The following CDCA7L variants were observed in gnomAD, a reference collection of about 807,000 sequenced individuals.
CDCA7L encodes the protein cell division cycle associated 7 like, also known as cell division cycle-associated 7-like protein.
A neutral mutation model predicts 57.4 loss-of-function variants in CDCA7L; 44 were observed. That is an observed-to-expected ratio of 0.77 (90% CI 0.60 to 0.98). The LOEUF is 0.98. Among genes scored for constraint, CDCA7L ranks in the 50% least tolerant of loss-of-function variants. The probability of loss-of-function intolerance (pLI) is 0.00; values close to 1 mark genes in which losing one functional copy is unlikely to be tolerated. For synonymous variants in CDCA7L, 236 were observed against 202.8 expected, an observed-to-expected ratio of 1.16 and a Z score of -1.39; for missense variants, 644 against 580.6, an observed-to-expected ratio of 1.11 and a Z score of -1.12.
intron 1 of CDCA7L, among the ~76,000 whole-genome samples, chr7:21,917,809 G>A (rs912288878): frequency 2.0e-5 from 3 of 152,130 alleles, no homozygotes; most frequent in African/African-American, 7.2e-5. Flanking sequence ...TGATTGGCCC[G>A]AATATAATTC....
At chr7:21,907,897 T>C (rs1785191111) in intron 4 of CDCA7L, among the ~76,000 whole-genome samples, 1 of 152,218 alleles carries the variant, frequency 6.6e-6, no homozygotes, top group Admixed American at 6.5e-5. Flanking sequence ...TGGCACCATG[T>C]AGGGGCTAAA....
intron 1 of CDCA7L, among the ~76,000 whole-genome samples, chr7:21,937,407 G>A (rs554603920): frequency 1.3e-5 from 2 of 152,224 alleles, no homozygotes; most frequent in South Asian, 2.1e-4. Context: ...GGCTGAGGTG[G>A]GCAGACTGCC....
intron 1 of CDCA7L, among the ~76,000 whole-genome samples, chr7:21,924,048 C>A (rs1233033837): frequency 6.6e-6 from 1 of 152,108 alleles, no homozygotes; most frequent in Non-Finnish European, 1.5e-5. Context: ...AATATTTTAA[C>A]GTGAAGTATT....
intron 2 of CDCA7L, among the ~76,000 whole-genome samples, chr7:21,913,261 T>C (rs1785388617): frequency 6.6e-6 from 1 of 152,128 alleles, no homozygotes; most frequent in Non-Finnish European, 1.5e-5. Flanking sequence ...TGAATTATTA[T>C]GGGTAATTGG....
intron 1 of CDCA7L, among the ~76,000 whole-genome samples, chr7:21,917,203 A>G (rs1785513291): frequency 6.6e-6 from 1 of 152,234 alleles, no homozygotes; most frequent in African/African-American, 2.4e-5. Context: ...CTAAGAACCA[A>G]TGATCTCTTT....
In CDCA7L at chr7:21,902,723, T is replaced by C. The variant is rs959060011; in HGVS notation, c.1334+255A>G. The C allele has an allele frequency of 7.4e-4, 369 of 501,330 alleles. 2 individuals are homozygous for C. The highest frequency in any genetic ancestry group is 1.2e-4 in the Non-Finnish European group (35 of 282,006). 31.1% of individuals were successfully genotyped at this position (501,330 alleles called of 1,614,324 possible). ...TTGTTTGTTCCTTCCATTTCTGTCA[T>C]ACACCTCAAGGAGAAATTTTGGTTA... On this transcript the variant is annotated intron_variant, in intron 9 of 9. Coordinates refer to ENST00000406877, the MANE Select transcript of CDCA7L (RefSeq NM_018719.5).
intron 1 of CDCA7L, among the ~76,000 whole-genome samples, chr7:21,935,435 G>A (rs1489519346): frequency 1.3e-5 from 2 of 152,000 alleles, no homozygotes; most frequent in Admixed American, 6.6e-5. Context: ...TAAAAATGAA[G>A]ATCTCCAACC....
rs761371148 is a variant in CDCA7L, at chr7:21,905,559, C to G, written c.994G>C (p.Asp332His). The change falls in exon 7 of 10, where the codon GAC becomes CAC. Residue 332 changes from aspartate to histidine, a missense_variant. By Grantham distance (81) the Asp-to-His change is moderately conservative. Coordinates refer to ENST00000406877, the MANE Select transcript of CDCA7L (RefSeq NM_018719.5). ...ACAGTTATGGCAACATTTTCTAAGTCCTCTTCGGTGATATCCTCCACTGGC... is the reference window on the plus strand; with the variant it reads ...ACAGTTATGGCAACATTTTCTAAGTGCTCTTCGGTGATATCCTCCACTGGC... ...FRPVEDITEE[D>H]LENVAITVRD... 2.5e-6 allele frequency: 4 copies of G among 1,614,066 alleles called. No individual in the cohort carries two copies. The South Asian group carries it at 3.3e-5, about 13-fold the overall frequency.
chr7:21,901,104 G>C lies in CDCA7L; in HGVS notation c.*1218C>G. 1 of 1,613,544 alleles carries C rather than the reference G, an allele frequency of 6.2e-7. No individual in the cohort carries two copies. The highest frequency in any genetic ancestry group is 1.1e-5 in the South Asian group (1 of 91,078). ...TCATCTTTGCAAAAGCCACCCCCGT[G>C]GACAGACAAGAAACCAAACAGACCT... is the stretch of plus-strand genomic sequence containing the variant. On this transcript the variant is annotated 3_prime_UTR_variant, in exon 10 of 10. Transcript: ENST00000406877.
At chr7:21,921,757 A>G (rs1402144128) in intron 1 of CDCA7L, among the ~76,000 whole-genome samples, 1 of 152,080 alleles carries the variant, frequency 6.6e-6, no homozygotes, top group Non-Finnish European at 1.5e-5. Context: ...TAGGATAACT[A>G]CTATCTAGTG....
In CDCA7L at chr7:21,901,204, A is replaced by G. The variant is rs1784810474; in HGVS notation, c.*1118T>C. 6.2e-7 allele frequency: 1 copy of G among 1,613,506 alleles called. No homozygotes were observed. The highest frequency in any genetic ancestry group is 1.1e-5 in the South Asian group (1 of 91,002). ...GACCTTCAGGCTGAAGAGCGAAGAG[A>G]AGACTGCAAAATGGGTTCTGGCTGG... On this transcript the variant is annotated 3_prime_UTR_variant, in exon 10 of 10. Coordinates refer to ENST00000406877, the MANE Select transcript of CDCA7L (RefSeq NM_018719.5).
chr7:21,938,689 C>T (rs1786248805), intron 1 of CDCA7L, among the ~76,000 whole-genome samples: 1 of 152,094 alleles, frequency 6.6e-6, no homozygotes, highest in Admixed American at 6.6e-5. Flanking sequence ...GGTATGTACA[C>T]ATAAGAGTAT....
intron 2 of CDCA7L, among the ~76,000 whole-genome samples, chr7:21,914,605 G>A (rs144095548): frequency 1.3e-5 from 2 of 152,314 alleles, no homozygotes; most frequent in African/African-American, 4.8e-5. Context: ...GAGAGTGTCA[G>A]TTCAGTTCCT....
chr7:21,933,863 T>C (rs759503152), intron 1 of CDCA7L, among the ~76,000 whole-genome samples: 20 of 151,418 alleles, frequency 1.3e-4, no homozygotes, highest in Non-Finnish European at 8.8e-5. Flanking sequence ...CAGAAAGCAG[T>C]AGGATGATTT....
At chr7:21,944,501 CAAA>C (rs1198919800) in intron 1 of CDCA7L, among the ~76,000 whole-genome samples, 1 of 138,104 alleles carries the variant, frequency 7.2e-6, no homozygotes. Context: ...AAGCCAGTGG[CAAA>C]AAATAAAAAA....
chr7:21,923,034 G>A (rs548849418), intron 1 of CDCA7L, among the ~76,000 whole-genome samples: 1 of 152,284 alleles, frequency 6.6e-6, no homozygotes, highest in Non-Finnish European at 1.5e-5. Flanking sequence ...TGGAGTTACT[G>A]TTTAATGGAT....
At chr7:21,932,893 A>G (rs1286027631) in intron 1 of CDCA7L, among the ~76,000 whole-genome samples, 2 of 152,146 alleles carry the variant, frequency 1.3e-5, no homozygotes, top group African/African-American at 2.4e-5. Context: ...AAATTTTTGT[A>G]ATCTACCCAT....
At chr7:21,913,689 AG>A (rs1785399156) in intron 2 of CDCA7L, among the ~76,000 whole-genome samples, 1 of 152,212 alleles carries the variant, frequency 6.6e-6, no homozygotes, top group South Asian at 2.1e-4. Flanking sequence ...TAGGGCCTGA[AG>A]GGAACAGGGC....
In CDCA7L at chr7:21,901,406, A is replaced by ATTCTAACTTTTTAGTAACTCACACGTGC; in HGVS notation, c.*915_*916insGCACGTGTGAGTTACTAAAAAGTTAGAA. On this transcript the variant is annotated 3_prime_UTR_variant, in exon 10 of 10. Coordinates refer to ENST00000406877, the MANE Select transcript of CDCA7L (RefSeq NM_018719.5). The stretch of plus-strand genomic sequence containing the variant: ...CTATCCTTAGAGTGAAAGTCAGAAA[A>ATTCTAACTTTTTAGTAACTCACACGTGC]AAATACTAGAAACTAACTCAGGGCT... 2.7e-6 allele frequency: 3 copies of ATTCTAACTTTTTAGTAACTCACACGTGC among 1,121,170 alleles called. No homozygotes were observed. The highest frequency in any genetic ancestry group is 5.8e-5 in the East Asian group (2 of 34,318). 69.5% of individuals were successfully genotyped at this position (1,121,170 alleles called of 1,614,324 possible).
Sources: gnomAD v4.1 joint callset for allele counts (sites outside exome capture counted in the v4.1 genomes callset) on GRCh38, gnomAD v4.1.1 for gene constraint, MANE v1.5 for transcripts, NCBI Gene and HGNC (gene_info 2026-07-23, HGNC 2026-07-21) for gene names.